The following EYS variants were observed in gnomAD, a reference collection of about 807,000 sequenced individuals.
The protein encoded by EYS is protein eyes shut homolog.
Under a neutral mutation model 282.1 loss-of-function variants are expected in EYS, and 250 were observed. That is an observed-to-expected ratio of 0.89 (90% CI 0.80 to 0.98). The LOEUF (loss-of-function observed/expected upper bound fraction) is 0.98, where lower values mean the gene tolerates loss of function less well. Ranked by LOEUF, EYS falls within the 50% of genes least tolerant of loss-of-function variation. The pLI is 0.00. For synonymous variants in EYS, 1,355 were observed against 1,282.9 expected (o/e 1.06, Z -1.20); for missense variants, 4,016 against 3,709.0 (o/e 1.08, Z -2.15).
intron 29 of EYS, among the ~76,000 whole-genome samples, chr6:64,357,854 GT>G (rs1186353746): frequency 1.3e-5 from 2 of 151,512 alleles, no homozygotes; most frequent in African/African-American, 2.4e-5. Context: ...CAAGAGCAGT[GT>G]TTTTTTCACC....
intron 29 of EYS, among the ~76,000 whole-genome samples, chr6:64,312,174 G>T (rs993115200): frequency 2.6e-5 from 4 of 152,132 alleles, no homozygotes; most frequent in Non-Finnish European, 5.9e-5. Context: ...GTCGACCTAG[G>T]ATGCTCGAGC....
intron 31 of EYS, among the ~76,000 whole-genome samples, chr6:64,200,776 G>A (rs1582419072): frequency 6.6e-6 from 1 of 152,016 alleles, no homozygotes; most frequent in South Asian, 2.1e-4. Context: ...TTGATAATTT[G>A]TATTATTTTT....
At chr6:64,441,071 GA>G (rs1774928832) in intron 26 of EYS, among the ~76,000 whole-genome samples, 1 of 152,068 alleles carries the variant, frequency 6.6e-6, no homozygotes, top group African/African-American at 2.4e-5. Context: ...GCTTTACAAA[GA>G]AATTATGTGG....
intron 16 of EYS, among the ~76,000 whole-genome samples, chr6:64,904,550 T>G (rs1767766351): frequency 6.6e-6 from 1 of 152,228 alleles, no homozygotes; most frequent in African/African-American, 2.4e-5. Flanking sequence ...AGTATTTGAT[T>G]GAGGTTAGAT....
chr6:65,511,956 G>C (rs1280732989), intron 2 of EYS, among the ~76,000 whole-genome samples: 1 of 127,686 alleles, frequency 7.8e-6, no homozygotes, highest in Non-Finnish European at 1.6e-5. Flanking sequence ...CTGCACTCCA[G>C]CCTGGGTGAT....
intron 14 of EYS, among the ~76,000 whole-genome samples, chr6:64,947,494 A>G (rs1769325497): frequency 6.6e-6 from 1 of 151,770 alleles, no homozygotes; most frequent in Non-Finnish European, 1.5e-5. Flanking sequence ...TTCTTGACAC[A>G]TATACTAGTC....
chr6:64,035,883 T>C (rs574463419), intron 33 of EYS, among the ~76,000 whole-genome samples: 13 of 152,370 alleles, frequency 8.5e-5, no homozygotes, highest in Admixed American at 7.2e-4. Context: ...AGAGATTCAC[T>C]CTAGCATATC....
chr6:63,962,096 A>G (rs964465346), intron 35 of EYS, among the ~76,000 whole-genome samples: 6 of 152,208 alleles, frequency 3.9e-5, no homozygotes, highest in African/African-American at 1.4e-4. Flanking sequence ...TACACCTTAT[A>G]CAAAAATTAA....
intron 33 of EYS, among the ~76,000 whole-genome samples, chr6:64,038,928 C>CT (rs1365982431): frequency 6.6e-6 from 1 of 152,110 alleles, no homozygotes; most frequent in African/African-American, 2.4e-5. Flanking sequence ...CCTCACTCTC[C>CT]TGAGTAGCTA....
intron 14 of EYS, among the ~76,000 whole-genome samples, chr6:64,960,791 C>T (rs1053727296): frequency 2.0e-5 from 3 of 152,114 alleles, no homozygotes; most frequent in Non-Finnish European, 4.4e-5. Context: ...CTGATCCTCT[C>T]CCTACTCCCT....
At chr6:65,422,704 G>A (rs1409801344) in intron 5 of EYS, among the ~76,000 whole-genome samples, 1 of 151,656 alleles carries the variant, frequency 6.6e-6, no homozygotes, top group Non-Finnish European at 1.5e-5. Context: ...ACATCTAACA[G>A]GAGGGTAAGT....
chr6:65,405,437 T>G, intron 5 of EYS, 70 bp from the exon 6 acceptor site: 12 of 1,166,134 alleles, frequency 1.0e-5, no homozygotes, highest in Non-Finnish European at 1.4e-5. Flanking sequence ...CATAGATATG[T>G]AGCAAAACAT....
At chr6:65,571,915 T>G (rs1764489607) in intron 2 of EYS, among the ~76,000 whole-genome samples, 2 of 152,092 alleles carry the variant, frequency 1.3e-5, no homozygotes, top group Admixed American at 6.6e-5. Flanking sequence ...AATCAAATTT[T>G]CAGCAGATCA....
At chr6:64,907,725 G>C (rs190408140) in intron 16 of EYS, among the ~76,000 whole-genome samples, 77 of 151,922 alleles carry the variant, frequency 5.1e-4, no homozygotes, top group African/African-American at 1.7e-3. Flanking sequence ...TCTAAAGAAG[G>C]GGTCTGAATG....
chr6:64,579,961 G>A (rs912954932), intron 26 of EYS, among the ~76,000 whole-genome samples: 10 of 151,996 alleles, frequency 6.6e-5, no homozygotes, highest in African/African-American at 2.4e-4. Flanking sequence ...ATAATTTATT[G>A]GGATTACTGT....
chr6:65,104,188 T>G (rs1262892281), intron 12 of EYS, among the ~76,000 whole-genome samples: 1 of 151,488 alleles, frequency 6.6e-6, no homozygotes, highest in Non-Finnish European at 1.5e-5. Context: ...CTATCATCAC[T>G]TCCAATGTTT....
At chr6:64,403,665 AC>A (rs200079285) in intron 28 of EYS, among the ~76,000 whole-genome samples, 1,866 of 152,228 alleles carry the variant, frequency 0.012, 37 homozygotes, top group African/African-American at 0.043. Flanking sequence ...CCTGAAAGTA[AC>A]TTTTAAATTT....
chr6:65,693,469 T>C (rs1323346008), intron 1 of EYS, among the ~76,000 whole-genome samples: 1 of 147,732 alleles, frequency 6.8e-6, no homozygotes. Context: ...AGTGGTGGTT[T>C]ATAAAATGCA....
intron 33 of EYS, among the ~76,000 whole-genome samples, chr6:64,023,210 T>TA (rs1324356108): frequency 6.6e-6 from 1 of 152,270 alleles, no homozygotes; most frequent in Non-Finnish European, 1.5e-5. Context: ...TAGGTCTGAA[T>TA]AGCATTTCAT....
Sources: allele counts gnomAD v4.1 joint callset (sites outside exome capture counted in the v4.1 genomes callset), GRCh38; gene constraint gnomAD v4.1.1; transcripts MANE v1.5; gene names NCBI Gene and HGNC (gene_info 2026-07-23, HGNC 2026-07-21).